PHACTR3: variants seen among roughly 807,000 people sequenced by gnomAD.
PHACTR3 encodes phosphatase and actin regulator 3.
PHACTR3 carries 16 observed loss-of-function variants against 66.8 expected under a neutral mutation model. The observed-to-expected ratio is 0.24, with a 90% CI of 0.16 to 0.36. The LOEUF (loss-of-function observed/expected upper bound fraction) is 0.36, where lower values mean the gene tolerates loss of function less well. Among genes scored for constraint, PHACTR3 ranks in the 10% least tolerant of loss-of-function variants. The probability of loss-of-function intolerance (pLI) is 1.00; values close to 1 mark genes in which losing one functional copy is unlikely to be tolerated. For synonymous variants in PHACTR3, 323 were observed against 292.1 expected (o/e 1.11, Z -1.08); for missense variants, 647 against 719.9 (o/e 0.90, Z 1.16).
intron 1 of PHACTR3, among the ~76,000 whole-genome samples, chr20:59,704,188 T>C (rs1027230554): frequency 2.0e-5 from 3 of 152,204 alleles, no homozygotes; most frequent in African/African-American, 7.2e-5. Flanking sequence ...TCTTTTTATG[T>C]TCCCATTAAG....
At chr20:59,676,812 C>A in intron 1 of PHACTR3, 1 of 865,010 alleles carries the variant, frequency 1.2e-6, no homozygotes. Flanking sequence ...GGCAGGGACT[C>A]TGCTTAGGGA....
chr20:59,726,036 A>T (rs1470689013), intron 1 of PHACTR3, among the ~76,000 whole-genome samples: 1 of 152,240 alleles, frequency 6.6e-6, no homozygotes, highest in Non-Finnish European at 1.5e-5. Context: ...CATGTGCTCC[A>T]GCACGAGGGA....
intron 8 of PHACTR3, among the ~76,000 whole-genome samples, chr20:59,831,736 A>G (rs546927203): frequency 1.3e-5 from 2 of 152,290 alleles, no homozygotes; most frequent in African/African-American, 2.4e-5. Flanking sequence ...CTCAAAGCCC[A>G]GGAAGCCCTG....
chr20:59,745,104 C>G (rs546064905), intron 2 of PHACTR3, among the ~76,000 whole-genome samples: 59 of 152,102 alleles, frequency 3.9e-4, no homozygotes, highest in Admixed American at 1.0e-3. Flanking sequence ...CCCAGTGGTC[C>G]GAGAAGACCC....
At chr20:59,758,751 T>C (rs2039895867) in intron 4 of PHACTR3, among the ~76,000 whole-genome samples, 1 of 152,192 alleles carries the variant, frequency 6.6e-6, no homozygotes, top group African/African-American at 2.4e-5. Context: ...GTCTTTGACA[T>C]CAGGCCGACC....
At chr20:59,806,278 G>A (rs1195169471) in intron 8 of PHACTR3, 84 bp downstream of exon 8, 101 of 1,525,290 alleles carry the variant, frequency 6.6e-5, no homozygotes, top group Non-Finnish European at 8.6e-5. Flanking sequence ...TCCTGGGTGT[G>A]CCAGGCCGGG....
chr20:59,822,018 G>GCAATCCCACC (rs2042049052), intron 8 of PHACTR3, among the ~76,000 whole-genome samples: 1 of 43,832 alleles, frequency 2.3e-5, no homozygotes, highest in Non-Finnish European at 4.9e-5. Context: ...CCCTTCCCCA[G>GCAATCCCACC]CGATCCCACC....
At position 59,736,951 on chromosome 20, in the gene PHACTR3, C is replaced by T. The variant is rs1332791792; in HGVS notation, c.119-6156C>T. ...TTCACTCCTCTGATGACAGTTGAGC[C>T]CCTTGAGGAGCTGCTTAGACTAAGG... is the stretch of plus-strand genomic sequence containing the variant. On this transcript the variant is annotated intron_variant, in intron 1 of 12. Transcript: ENST00000371015. This position sits in a 1 kb window ranked among gnomAD's most constrained non-coding sequence, Gnocchi z 4.6. 6.6e-6 allele frequency among the ~76,000 whole-genome samples: 1 copy of T among 152,096 alleles called. No individual in the cohort carries two copies. The highest frequency in any genetic ancestry group is 1.5e-5 in the Non-Finnish European group (1 of 68,010).
At chr20:59,655,250 A>T (rs2035580048) in intron 1 of PHACTR3, among the ~76,000 whole-genome samples, 1 of 152,018 alleles carries the variant, frequency 6.6e-6, no homozygotes, top group Non-Finnish European at 1.5e-5. Context: ...ATGGTATCTC[A>T]TTATGGTTTT....
At chr20:59,780,966 A>C (rs1398523122) in intron 7 of PHACTR3, among the ~76,000 whole-genome samples, 1 of 152,106 alleles carries the variant, frequency 6.6e-6, no homozygotes, top group African/African-American at 2.4e-5. Flanking sequence ...CCTCATCATC[A>C]CTGTGGTTAA....
At chr20:59,598,156 C>A (rs1018287750) in intron 1 of PHACTR3, among the ~76,000 whole-genome samples, 1 of 152,162 alleles carries the variant, frequency 6.6e-6, no homozygotes, top group Non-Finnish European at 1.5e-5. Flanking sequence ...CCTCCCTGCC[C>A]CGGGTTGTGT....
chr20:59,600,484 G>A (rs958891853), upstream of PHACTR3, among the ~76,000 whole-genome samples: 1 of 152,166 alleles, frequency 6.6e-6, no homozygotes, highest in African/African-American at 2.4e-5. Context: ...CAACTTGGGA[G>A]GTGTGTGGGG....
At chr20:59,803,082 G>C (rs191297041) in intron 7 of PHACTR3, among the ~76,000 whole-genome samples, 70 of 152,254 alleles carry the variant, frequency 4.6e-4, no homozygotes, top group African/African-American at 3.6e-4. Flanking sequence ...TGACAGTTTG[G>C]GGGGAATGAG....
In PHACTR3 at chr20:59,814,317, C is replaced by T. The variant is rs543516414; in HGVS notation, c.1328+8123C>T. ...GGACGGCAGAGCTGGTGAGGATGAA[C>T]GGCAGGCCTGTGGCTGAGGGAGGAG... is the stretch of plus-strand genomic sequence containing the variant. On this transcript the variant is annotated intron_variant, in intron 8 of 12. Transcript: ENST00000371015. 2.8e-4 allele frequency among the ~76,000 whole-genome samples: 43 copies of T among 152,260 alleles called. No individual in the cohort carries two copies. In the South Asian group the frequency reaches 6.0e-3, roughly 21 times the overall value.
At chr20:59,682,032 G>GAAAT (rs2036675308) in intron 1 of PHACTR3, among the ~76,000 whole-genome samples, 1 of 148,504 alleles carries the variant, frequency 6.7e-6, no homozygotes, top group Admixed American at 6.7e-5. Context: ...AAGAAAGAAA[G>GAAAT]AAAGAAAAAA....
chr20:59,769,767 T>C (rs1325534405), intron 5 of PHACTR3, among the ~76,000 whole-genome samples: 2 of 152,248 alleles, frequency 1.3e-5, no homozygotes, highest in African/African-American at 2.4e-5. Flanking sequence ...AGTGAATGAA[T>C]GCATGCGTGC....
At chr20:59,688,682 T>C (rs1219927531) in intron 1 of PHACTR3, among the ~76,000 whole-genome samples, 7 of 152,218 alleles carry the variant, frequency 4.6e-5, no homozygotes, top group African/African-American at 1.7e-4. Flanking sequence ...TTTTGTTTTT[T>C]GTTTTTTTTT....
chr20:59,653,570 T>C (rs532729354), intron 1 of PHACTR3, among the ~76,000 whole-genome samples: 7 of 152,304 alleles, frequency 4.6e-5, no homozygotes, highest in African/African-American at 1.7e-4. Context: ...GATGCTAGCA[T>C]ATGTAAATAA....
chr20:59,834,704 T>C (rs747394297), intron 8 of PHACTR3, among the ~76,000 whole-genome samples: 3 of 152,176 alleles, frequency 2.0e-5, no homozygotes, highest in Non-Finnish European at 4.4e-5. Flanking sequence ...CAGCGAAATG[T>C]ATCTCTGCCA....
Sources: gnomAD v4.1 joint callset for allele counts (sites outside exome capture counted in the v4.1 genomes callset) on GRCh38, gnomAD v4.1.1 for gene constraint, Gnocchi (gnomAD v3.1) non-coding constraint, MANE v1.5 for transcripts, NCBI Gene and HGNC (gene_info 2026-07-23, HGNC 2026-07-21) for gene names.